The following EXOC6B variants were observed in gnomAD, a reference collection of about 807,000 sequenced individuals.
The protein encoded by EXOC6B is SEC15 homolog B.
EXOC6B carries 54 observed loss-of-function variants against 113.5 expected under a neutral mutation model. That is an observed-to-expected ratio of 0.48 (90% CI 0.38 to 0.60). The LOEUF (loss-of-function observed/expected upper bound fraction) is 0.60, where lower values mean the gene tolerates loss of function less well. Ranked by LOEUF, EXOC6B falls within the 20% of genes least tolerant of loss-of-function variation. The pLI is 0.00. For missense variants in EXOC6B, 797 were observed against 977.5 expected, an observed-to-expected ratio of 0.82 and a Z score of 2.46; for synonymous variants, 357 against 339.0, an observed-to-expected ratio of 1.05 and a Z score of -0.58.
intron 20 of EXOC6B, among the ~76,000 whole-genome samples, chr2:72,191,946 T>C (rs1678863484): frequency 6.6e-6 from 1 of 152,162 alleles, no homozygotes; most frequent in South Asian, 2.1e-4. Flanking sequence ...TAAGTTTTCT[T>C]TGGCAGAAAG....
intron 18 of EXOC6B, among the ~76,000 whole-genome samples, chr2:72,395,069 A>T (rs1692637400): frequency 6.6e-6 from 1 of 152,182 alleles, no homozygotes; most frequent in African/African-American, 2.4e-5. Context: ...AGAGAAAAGA[A>T]AAAAAGGAAA....
At chr2:72,762,306 C>A (rs1682791277) in intron 1 of EXOC6B, among the ~76,000 whole-genome samples, 1 of 150,074 alleles carries the variant, frequency 6.7e-6, no homozygotes, top group South Asian at 2.1e-4. Context: ...ACATTTAAAT[C>A]TGTTACACTT....
intron 6 of EXOC6B, among the ~76,000 whole-genome samples, chr2:72,590,209 A>C (rs1160750092): frequency 6.6e-6 from 1 of 151,936 alleles, no homozygotes; most frequent in African/African-American, 2.4e-5. Context: ...ATAGACAAAA[A>C]CTCCATACAA....
At chr2:72,495,401 G>A (rs764910423) in intron 15 of EXOC6B, 29 bp downstream of exon 15, 3 of 1,198,278 alleles carry the variant, frequency 2.5e-6, no homozygotes, top group Admixed American at 2.3e-5. Flanking sequence ...TCTTAGCATT[G>A]GTTACATTTC....
chr2:72,670,487 T>C (rs991762359), intron 6 of EXOC6B, among the ~76,000 whole-genome samples: 1 of 152,186 alleles, frequency 6.6e-6, no homozygotes, highest in Non-Finnish European at 1.5e-5. Context: ...TCTCTCTTTG[T>C]TTAATCAGGC....
chr2:72,557,497 G>A (rs912944827), intron 8 of EXOC6B, among the ~76,000 whole-genome samples: 2 of 152,082 alleles, frequency 1.3e-5, no homozygotes, highest in Non-Finnish European at 2.9e-5. Context: ...GTCTTTTGCA[G>A]GAACATGGAT....
At chr2:72,256,655 A>T (rs546057723) in intron 20 of EXOC6B, among the ~76,000 whole-genome samples, 1 of 152,302 alleles carries the variant, frequency 6.6e-6, no homozygotes, top group East Asian at 1.9e-4. Flanking sequence ...CTTACTTACA[A>T]CTATAGATTC....
At chr2:72,532,266 T>C (rs369547615) in intron 8 of EXOC6B, among the ~76,000 whole-genome samples, 1 of 152,134 alleles carries the variant, frequency 6.6e-6, no homozygotes, top group South Asian at 2.1e-4. Flanking sequence ...CCACAGTGAA[T>C]AGTCATTTCA....
chr2:72,551,033 GAGTT>G (rs1309267831), intron 8 of EXOC6B, among the ~76,000 whole-genome samples: 1 of 150,848 alleles, frequency 6.6e-6, no homozygotes, highest in East Asian at 2.0e-4. Flanking sequence ...GCAAGTGACT[GAGTT>G]AGGCACTATT....
chr2:72,564,706 T>A (rs1033120254), intron 7 of EXOC6B, among the ~76,000 whole-genome samples: 3 of 152,180 alleles, frequency 2.0e-5, no homozygotes, highest in African/African-American at 7.2e-5. Context: ...ATATGAGCTT[T>A]TATGCAGCTA....
chr2:72,550,169 G>GA lies in EXOC6B; in HGVS notation c.915+9283dup, dbSNP rs140033819. ...TAATATTAATTATATTACAAAATAAGAAAAAAAAATTACAAACATTTATAT... is the reference window on the plus strand; with the variant it reads ...TAATATTAATTATATTACAAAATAAGAAAAAAAAAATTACAAACATTTATAT... On this transcript the variant is annotated intron_variant, in intron 8 of 21. Transcript: ENST00000272427. Among the ~76,000 whole-genome samples, 1,882 of 150,218 alleles carry GA rather than the reference G, an allele frequency of 0.013. 62 individuals carry two copies. In the East Asian group the frequency reaches 0.13, roughly 11 times the overall value.
At chr2:72,458,217 A>G (rs1473485693) in intron 18 of EXOC6B, among the ~76,000 whole-genome samples, 1 of 152,144 alleles carries the variant, frequency 6.6e-6, no homozygotes, top group African/African-American at 2.4e-5. Context: ...GTAAAAGACA[A>G]ATGATTTGGG....
At chr2:72,322,130 C>T (rs2104832247) in intron 20 of EXOC6B, among the ~76,000 whole-genome samples, 1 of 152,200 alleles carries the variant, frequency 6.6e-6, no homozygotes, top group Admixed American at 6.5e-5. Flanking sequence ...TGAATGTTCA[C>T]AGCAGTTTTA....
intron 20 of EXOC6B, among the ~76,000 whole-genome samples, chr2:72,320,377 C>G (rs1687782023): frequency 6.6e-6 from 1 of 151,974 alleles, no homozygotes; most frequent in Non-Finnish European, 1.5e-5. Context: ...AGGACAGACA[C>G]ACAGGTCAAT....
At chr2:72,515,661 C>T in intron 8 of EXOC6B, 1 of 988,966 alleles carries the variant, frequency 1.0e-6, no homozygotes, top group Non-Finnish European at 1.2e-6. Context: ...ATTCCTGGTG[C>T]ACAGCCCCAC....
At chr2:72,585,794 T>A (rs1018577610) in intron 6 of EXOC6B, among the ~76,000 whole-genome samples, 11 of 151,860 alleles carry the variant, frequency 7.2e-5, no homozygotes, top group Non-Finnish European at 1.3e-4. Context: ...CAAAATTGTA[T>A]AAGTAATGAA....
intron 8 of EXOC6B, among the ~76,000 whole-genome samples, chr2:72,517,724 T>C (rs1302872094): frequency 6.6e-6 from 1 of 152,158 alleles, no homozygotes; most frequent in Non-Finnish European, 1.5e-5. Context: ...TTCAATATGC[T>C]TTGGAGCCAA....
chr2:72,188,414 A>C (rs1046126472), intron 20 of EXOC6B, among the ~76,000 whole-genome samples: 5 of 152,172 alleles, frequency 3.3e-5, no homozygotes, highest in Non-Finnish European at 5.9e-5. Context: ...CCTATAGATC[A>C]CACTCTGGGT....
chr2:72,554,644 G>A (rs1703432629), intron 8 of EXOC6B, among the ~76,000 whole-genome samples: 1 of 152,174 alleles, frequency 6.6e-6, no homozygotes, highest in African/African-American at 2.4e-5. Flanking sequence ...CTGCAGCACT[G>A]TGAGTCAATT....
Sources: gnomAD v4.1 joint callset for allele counts (sites outside exome capture counted in the v4.1 genomes callset) on GRCh38, gnomAD v4.1.1 for gene constraint, MANE v1.5 for transcripts, NCBI Gene and HGNC (gene_info 2026-07-23, HGNC 2026-07-21) for gene names.